The following DMD variants were observed in gnomAD, a reference collection of about 807,000 sequenced individuals.
DMD encodes the protein mutant dystrophin.
A neutral mutation model predicts 330.1 loss-of-function variants in DMD; 63 were observed. The observed-to-expected ratio is 0.19, with a 90% CI of 0.16 to 0.24. The LOEUF (loss-of-function observed/expected upper bound fraction) is 0.24. DMD is among the 10% of genes least tolerant of loss of function. DMD has a pLI of 1.00. For synonymous variants in DMD, 1,223 were observed against 959.8 expected, an observed-to-expected ratio of 1.27 and a Z score of -5.07; for missense variants, 3,344 against 2,684.1, an observed-to-expected ratio of 1.25 and a Z score of -5.43.
At chrX:31,527,535 G>A (rs2073340548) in intron 55 of DMD, among the ~76,000 whole-genome samples, 1 of 111,927 alleles carries the variant, frequency 8.9e-6, no homozygotes, top group Non-Finnish European at 1.9e-5. Flanking sequence ...TGCCAAATGT[G>A]TATACTTGTG....
intron 1 of DMD, among the ~76,000 whole-genome samples, chrX:33,284,081 A>C (rs886697729): frequency 1.8e-5 from 2 of 111,178 alleles, no homozygotes; most frequent in African/African-American, 6.5e-5. Flanking sequence ...ACCAACTTGA[A>C]ATTACAGATG....
Position 32,454,695 on chromosome X carries a change from T to C in DMD, c.3570A>G (p.Pro1190=). ...YLERDFEYKT[P]DELQKAVEEM... ...CTTCAACTGCTTTCTGTAATTCATC[T>C]GGAGTTTTATATTCAAAATCTCTCT... Residue 1190 remains proline, a synonymous_variant, in exon 26 of 79, where the codon CCA becomes CCG. Coordinates refer to ENST00000357033, the MANE Select transcript of DMD (RefSeq NM_004006.3). 1 of 1,199,321 alleles carries C rather than the reference T, an allele frequency of 8.3e-7. No homozygotes were observed. Among genetic ancestry groups the C allele is most frequent in the Non-Finnish European group, 1.1e-6 (1 of 889,903 alleles).
rs771957811 is a variant in DMD at position 32,364,603 on chromosome X, C to T, written c.5133G>A (p.Gln1711=). Residue 1711 remains glutamine (Q), a synonymous_variant, in exon 36 of 79, where the codon CAG becomes CAA. Coordinates refer to ENST00000357033, the MANE Select transcript of DMD (RefSeq NM_004006.3). ...CTACCTTAAGCACGTCTTCTTTTTG[C>T]TGGGGTTTCTTTTTCTCTGATTCAT... ...LLDESEKKKP[Q]QKEDVLKRLK... is the part of the protein sequence containing the mutation. 5.8e-6 allele frequency: 7 copies of T among 1,209,027 alleles called. No homozygotes were observed. The highest frequency in any genetic ancestry group is 7.8e-6 in the Non-Finnish European group (7 of 894,663).
At chrX:31,366,510 A>T (rs2059264523) in intron 60 of DMD, among the ~76,000 whole-genome samples, 1 of 101,455 alleles carries the variant, frequency 9.9e-6, no homozygotes, top group African/African-American at 3.6e-5. Context: ...AAAAAAAAAA[A>T]TAAATAAATA....
intron 49 of DMD, among the ~76,000 whole-genome samples, chrX:31,834,893 C>G (rs1289248365): frequency 3.6e-5 from 4 of 111,321 alleles, no homozygotes; most frequent in Non-Finnish European, 7.5e-5. Flanking sequence ...AAAAACAGTG[C>G]TGTCTGCTAC....
chrX:32,951,404 G>A (rs1015923593), intron 2 of DMD, among the ~76,000 whole-genome samples: 2 of 112,019 alleles, frequency 1.8e-5, no homozygotes, highest in Non-Finnish European at 3.8e-5. Context: ...CAAGTGTGCT[G>A]GAATGTCCCT....
In DMD at chrX:32,252,765, T is replaced by TATATAA. The variant is rs1557243501; in HGVS notation, c.6290+34763_6290+34764insTTATAT. On this transcript the variant is annotated intron_variant, in intron 43 of 78. Coordinates refer to ENST00000357033, the MANE Select transcript of DMD (RefSeq NM_004006.3). Reference sequence around the variant, plus strand: ...ATATAAATATATATAAATATATAAATATATATAAATATATATAAATATATA... The same window carrying TATATAA: ...ATATAAATATATATAAATATATAAATATATAAATATATAAATATATATAAATATATA... 2.0e-3 allele frequency among the ~76,000 whole-genome samples: 77 copies of TATATAA among 38,813 alleles called. 10 individuals carry two copies. The highest frequency in any genetic ancestry group is 0.031 in the Middle Eastern group (1 of 32). The allele number at this position is 38,813 out of a possible 115,157, so 33.7% of individuals were successfully genotyped here.
At chrX:33,331,591 C>T (rs890147238) in intron 1 of DMD, among the ~76,000 whole-genome samples, 1 of 111,369 alleles carries the variant, frequency 9.0e-6, no homozygotes, top group African/African-American at 3.3e-5. Flanking sequence ...ATTCATAACC[C>T]TGTCTTCAAA....
chrX:32,800,343 T>G (rs970539091), intron 7 of DMD, among the ~76,000 whole-genome samples: 3 of 111,801 alleles, frequency 2.7e-5, no homozygotes, highest in African/African-American at 9.8e-5. Flanking sequence ...GTGTTCTGTC[T>G]TTTGTGACTA....
intron 55 of DMD, among the ~76,000 whole-genome samples, chrX:31,601,728 G>A (rs1185805981): frequency 9.0e-6 from 1 of 111,476 alleles, no homozygotes; most frequent in African/African-American, 3.3e-5. Flanking sequence ...AAAGGAAAAA[G>A]GTGGTATTAA....
chrX:31,591,446 G>A (rs1201992470), intron 55 of DMD, among the ~76,000 whole-genome samples: 1 of 111,396 alleles, frequency 9.0e-6, no homozygotes, highest in African/African-American at 3.3e-5. Flanking sequence ...ATGGACCATT[G>A]TTCTGGTTTA....
intron 11 of DMD, among the ~76,000 whole-genome samples, chrX:32,617,865 C>G (rs2057700433): frequency 1.8e-5 from 2 of 111,055 alleles, no homozygotes; most frequent in Non-Finnish European, 3.8e-5. Flanking sequence ...GAAATTCAAC[C>G]AACTCCATAG....
chrX:32,136,207 T>C (rs192706728), intron 44 of DMD, among the ~76,000 whole-genome samples: 59 of 112,748 alleles, frequency 5.2e-4, no homozygotes, highest in African/African-American at 1.9e-3. Flanking sequence ...ATCAAATGCT[T>C]TCTTTTGGGA....
chrX:32,399,664 C>T (rs946521302), intron 30 of DMD, among the ~76,000 whole-genome samples: 2 of 111,209 alleles, frequency 1.8e-5, no homozygotes, highest in Admixed American at 9.5e-5. Flanking sequence ...CTATGGAAAA[C>T]AAGTTTTGAG....
At chrX:32,399,939 C>T (rs977801551) in intron 30 of DMD, among the ~76,000 whole-genome samples, 4 of 111,408 alleles carry the variant, frequency 3.6e-5, no homozygotes, top group African/African-American at 9.8e-5. Flanking sequence ...CCTGATTGAA[C>T]ACCCTTTATT....
chrX:31,516,936 C>T (rs5971576), intron 55 of DMD, among the ~76,000 whole-genome samples: 4 of 110,855 alleles, frequency 3.6e-5, no homozygotes, highest in African/African-American at 9.9e-5. Flanking sequence ...TAAGCAATCC[C>T]GAACTCTGGT....
intron 7 of DMD, among the ~76,000 whole-genome samples, chrX:32,769,529 A>G (rs182586361): frequency 3.0e-4 from 34 of 111,808 alleles, no homozygotes; most frequent in African/African-American, 1.1e-3. Flanking sequence ...CATATAAACT[A>G]TTGTTTTAAG....
chrX:32,851,926 G>C (rs1203796477), intron 2 of DMD, among the ~76,000 whole-genome samples: 1 of 111,719 alleles, frequency 9.0e-6, no homozygotes, highest in African/African-American at 3.3e-5. Context: ...AGTCTCACCA[G>C]TGTGAGCTCA....
intron 64 of DMD, among the ~76,000 whole-genome samples, chrX:31,210,493 A>G (rs2044541195): frequency 8.9e-6 from 1 of 112,397 alleles, no homozygotes; most frequent in South Asian, 3.7e-4. Flanking sequence ...GTCCAACATC[A>G]GCAAATCACA....
Sources: allele counts gnomAD v4.1 joint callset (sites outside exome capture counted in the v4.1 genomes callset), GRCh38; gene constraint gnomAD v4.1.1; transcripts MANE v1.5; gene names NCBI Gene and HGNC (gene_info 2026-07-23, HGNC 2026-07-21).